Variants in HHIPL1 observed in about 807,000 individuals in gnomAD.
The protein encoded by HHIPL1 is HHIP like 1, also known as HHIP-like protein 1.
Under a neutral mutation model 61.8 loss-of-function variants are expected in HHIPL1, and 43 were observed. The ratio of observed to expected loss-of-function variants is 0.70; its 90% CI spans 0.55 to 0.90. The LOEUF (loss-of-function observed/expected upper bound fraction) is 0.90. HHIPL1 is among the 40% of genes least tolerant of loss of function. The probability of loss-of-function intolerance (pLI) is 0.00; values close to 1 mark genes in which losing one functional copy is unlikely to be tolerated. For missense variants in HHIPL1, 1,056 were observed against 1,157.7 expected, an observed-to-expected ratio of 0.91 and a Z score of 1.28; for synonymous variants, 482 against 515.8, an observed-to-expected ratio of 0.93 and a Z score of 0.89.
In HHIPL1 at chr14:99,680,013, C is replaced by T. The variant is rs1483765189; in HGVS notation, c.*4387C>T. On this transcript the variant is annotated 3_prime_UTR_variant, in exon 9 of 9. Coordinates refer to ENST00000330710, the MANE Select transcript of HHIPL1 (RefSeq NM_001127258.3). ...GCCAGCTACCTCGGGTGTGTCAGCT[C>T]ATTTAATCTTGACAACAGCTCCACG... 1 of 152,198 alleles carries T rather than the reference C, an allele frequency of 6.6e-6. No individual in the cohort carries two copies. Among genetic ancestry groups the T allele is most frequent in the Non-Finnish European group, 1.5e-5 (1 of 68,046 alleles). 9.4% of individuals were successfully genotyped at this position (152,198 alleles called of 1,614,324 possible).
In HHIPL1 at chr14:99,675,432, G is replaced by A. The variant is rs908293012; in HGVS notation, c.2155G>A (p.Ala719Thr). The change falls in exon 9 of 9, where the codon GCC becomes ACC. Residue 719 changes from alanine to threonine, a missense_variant. Physicochemically the swap from Ala to Thr is moderately conservative, Grantham distance 58 (BLOSUM62 0). Transcript: ENST00000330710. This position sits in a 1 kb window ranked among gnomAD's most constrained non-coding sequence, Gnocchi z 5.4. ...CGTCGTGTGTCGCCAGCTGGGGTTTGCCTACGCCGTGCGCGCCGTCAAGAG... is the reference window on the plus strand; with the variant it reads ...CGTCGTGTGTCGCCAGCTGGGGTTTACCTACGCCGTGCGCGCCGTCAAGAG... ...AAVVCRQLGF[A>T]YAVRAVKRAE... The A allele has an allele frequency of 5.2e-6, 8 of 1,536,618 alleles. No individual in the cohort carries two copies. Among genetic ancestry groups the A allele is most frequent in the Non-Finnish European group, 7.0e-6 (8 of 1,145,260 alleles).
intron 4 of HHIPL1, 72 bp downstream of exon 4, chr14:99,659,828 G>A: frequency 1.5e-6 from 1 of 680,880 alleles, no homozygotes; most frequent in African/African-American, 3.7e-5. Flanking sequence ...GTGCCGCAGG[G>A]CCTCCCTCGG....
chr14:99,656,753 T>A, intron 2 of HHIPL1, among the ~76,000 whole-genome samples: 1 of 135,552 alleles, frequency 7.4e-6, no homozygotes, highest in African/African-American at 2.7e-5. Context: ...TCCAGCCTGG[T>A]GACAGAGCAA....
rs2056420372 is a variant in HHIPL1, at chr14:99,679,499, ACT to A, written c.*3874_*3875del. The A allele has an allele frequency of 6.6e-6, 1 of 152,356 alleles. No individual in the cohort carries two copies. Among genetic ancestry groups the A allele is most frequent in the Admixed American group, 6.5e-5 (1 of 15,280 alleles). 9.4% of individuals were successfully genotyped at this position (152,356 alleles called of 1,614,324 possible). On this transcript the variant is annotated 3_prime_UTR_variant, in exon 9 of 9. Coordinates refer to ENST00000330710, the MANE Select transcript of HHIPL1 (RefSeq NM_001127258.3). The stretch of plus-strand genomic sequence containing the variant: ...CTGCAGGGGTGGCCCAGTGTCCAGG[ACT>A]GTGTTCAAGACATCAGTCAGAGGTC...
Position 99,675,163 on chromosome 14 carries a change from G to T in HHIPL1, c.1886G>T (p.Arg629Leu), listed in dbSNP as rs2056372761. 8 of 1,104,464 alleles carry T rather than the reference G, an allele frequency of 7.2e-6. No individual in the cohort carries two copies. Among genetic ancestry groups the T allele is most frequent in the Non-Finnish European group, 8.9e-6 (8 of 899,884 alleles). The allele number at this position is 1,104,464 out of a possible 1,614,324, so 68.4% of individuals were successfully genotyped here. ...RAPTRAPRRG[R>L]PTAAPPAPTP... is the part of the protein sequence containing the mutation. ...CCCACGCGGGCGCCCCGCCGAGGGC[G>T]CCCCACGGCCGCTCCCCCCGCGCCA... Residue 629 changes from arginine to leucine, a missense_variant, in exon 9 of 9, where the codon CGC (arginine) becomes CTC (leucine). By Grantham distance (102) the Arg-to-Leu change is moderately radical (BLOSUM62 -2). Transcript: ENST00000330710. The surrounding 1 kb of genome is among the most constrained non-coding windows in gnomAD (Gnocchi z 5.4).
chr14:99,646,802 G>GATATA (rs2055843172), intron 1 of HHIPL1, among the ~76,000 whole-genome samples: 1 of 92,952 alleles, frequency 1.1e-5, no homozygotes, highest in African/African-American at 4.3e-5. Context: ...AATATGATAT[G>GATATA]ATATGATATG....
the HHIPL1 span, among the ~76,000 whole-genome samples, chr14:99,637,049 AGGAAGGAAGGAAAAAAGAAAGAAAGAGAG>A: frequency 3.2e-5 from 3 of 94,058 alleles, no homozygotes; most frequent in Admixed American, 1.0e-4. Context: ...GAAAGAAAGA[AGGAAGGAAGGAAAAAAGAAAGAAAGAGAG>A]AGAAAGAAAG....
chr14:99,668,100 C>T lies in HHIPL1; in HGVS notation c.1649-122C>T, dbSNP rs534382527. The T allele has an allele frequency of 8.3e-6, 6 of 724,146 alleles. No individual in the cohort carries two copies. Among genetic ancestry groups the T allele is most frequent in the African/African-American group, 5.2e-5 (3 of 58,236 alleles). 44.9% of individuals were successfully genotyped at this position (724,146 alleles called of 1,614,324 possible). ...AGCTAGACTGAGCTGGGATGCCTCA[C>T]GTGATGGCTAGCTGGGGTTGGGGTC... On this transcript the variant is annotated intron_variant, in intron 6 of 8. Coordinates refer to ENST00000330710, the MANE Select transcript of HHIPL1 (RefSeq NM_001127258.3). The surrounding 1 kb of genome is among the most constrained non-coding windows in gnomAD (Gnocchi z 4.7).
At chr14:99,620,774 A>AG in the HHIPL1 span, among the ~76,000 whole-genome samples, 1 of 152,168 alleles carries the variant, frequency 6.6e-6, no homozygotes, top group Admixed American at 6.5e-5. Flanking sequence ...TGCAGAACGT[A>AG]GGGGGGCCAG....
At position 99,679,213 on chromosome 14, in the gene HHIPL1, A is replaced by C. The variant is rs2056417550; in HGVS notation, c.*3587A>C. On this transcript the variant is annotated 3_prime_UTR_variant, in exon 9 of 9. Coordinates refer to ENST00000330710, the MANE Select transcript of HHIPL1 (RefSeq NM_001127258.3). ...CCCCACTGGGACACAAGTTCAGAGA[A>C]GGGCAGAGCTGGCTGCCTGTCCAGT... is the stretch of plus-strand genomic sequence containing the variant. The C allele has an allele frequency of 1.3e-5, 2 of 152,300 alleles. No individual in the cohort carries two copies. Among genetic ancestry groups the C allele is most frequent in the Non-Finnish European group, 2.9e-5 (2 of 68,080 alleles). The allele number at this position is 152,300 out of a possible 1,614,324, so 9.4% of individuals were successfully genotyped here.
At chr14:99,641,942 CT>C (rs111681628), upstream of HHIPL1, among the ~76,000 whole-genome samples, 18,641 of 147,210 alleles carry the variant, frequency 0.13, 1,286 homozygotes, top group Non-Finnish European at 0.16. Context: ...AATTCTTAGC[CT>C]TTTTTTTTTT....
chr14:99,640,567 G>A (rs2055737558), upstream of HHIPL1, among the ~76,000 whole-genome samples: 1 of 152,202 alleles, frequency 6.6e-6, no homozygotes, highest in Non-Finnish European at 1.5e-5. Flanking sequence ...TATCAGGGGT[G>A]AGCCACTGTG....
intron 2 of HHIPL1, among the ~76,000 whole-genome samples, chr14:99,655,434 C>A (rs987263872): frequency 3.3e-5 from 5 of 152,020 alleles, no homozygotes; most frequent in African/African-American, 1.2e-4. Context: ...CCAGCCTGGG[C>A]CACACACTGA....
At chr14:99,646,343 C>A (rs562322776) in intron 1 of HHIPL1, among the ~76,000 whole-genome samples, 459 of 152,376 alleles carry the variant, frequency 3.0e-3, no homozygotes, top group African/African-American at 0.01. Flanking sequence ...GGGCCAGGGC[C>A]GTGTCCCAGC....
At chr14:99,661,054 T>C (rs1386807329) in intron 5 of HHIPL1, among the ~76,000 whole-genome samples, 1 of 152,074 alleles carries the variant, frequency 6.6e-6, no homozygotes, top group Non-Finnish European at 1.5e-5. Flanking sequence ...ACATCCCAAA[T>C]AGGTTTGATG....
chr14:99,637,000 G>GAAGAAAGAAAGAAAGA, the HHIPL1 span, among the ~76,000 whole-genome samples: 503 of 76,988 alleles, frequency 6.5e-3, 7 homozygotes, highest in South Asian at 0.012. Context: ...AAGAAAGAAA[G>GAAGAAAGAAAGAAAGA]AAGAAAGAAA....
rs1194064528 is a variant in HHIPL1 at position 99,659,712 on chromosome 14, G to T, written c.1331G>T (p.Gly444Val). ...GGNYGWRARE[G>V]FECYDRSLCA... ...AACTATGGCTGGCGCGCGCGCGAAG[G>T]GTTCGAGTGCTACGACCGCAGCCTG... The change falls in exon 4 of 9, where the codon GGG becomes GTG. Residue 444 changes from glycine to valine, a missense_variant. Coordinates refer to ENST00000330710, the MANE Select transcript of HHIPL1 (RefSeq NM_001127258.3). 1.3e-6 allele frequency: 2 copies of T among 1,483,910 alleles called. No homozygotes were observed. Among genetic ancestry groups the T allele is most frequent in the Admixed American group, 4.5e-5 (2 of 43,970 alleles). The allele number at this position is 1,483,910 out of a possible 1,614,324, so 91.9% of individuals were successfully genotyped here.
intron 4 of HHIPL1, 96 bp downstream of exon 4, chr14:99,659,852 C>CCCCG: frequency 1.8e-6 from 1 of 561,464 alleles, no homozygotes. Flanking sequence ...CCGCACCCCC[C>CCCCG]CCCCCCCGGA....
rs2056140583 is a variant in HHIPL1 at position 99,660,907 on chromosome 14, A to G, written c.1502+501A>G. On this transcript the variant is annotated intron_variant, in intron 5 of 8. Transcript: ENST00000330710. The surrounding 1 kb of genome is among the most constrained non-coding windows in gnomAD (Gnocchi z 4.9). ...TTGAGAAACTAAGACCCGAGAGAAC[A>G]GTGGCTGCCCATGGGCCTCCTAATG... is the stretch of plus-strand genomic sequence containing the variant. Among the ~76,000 whole-genome samples, 1 of 152,130 alleles carries G rather than the reference A, an allele frequency of 6.6e-6. No homozygotes were observed. The highest frequency in any genetic ancestry group is 2.1e-4 in the South Asian group (1 of 4,826).
Sources: allele counts gnomAD v4.1 joint callset (sites outside exome capture counted in the v4.1 genomes callset), GRCh38; gene constraint gnomAD v4.1.1; non-coding constraint Gnocchi (gnomAD v3.1); transcripts MANE v1.5; gene names NCBI Gene and HGNC (gene_info 2026-07-23, HGNC 2026-07-21).